MAP3K9: variants seen among roughly 807,000 people sequenced by gnomAD.
The protein encoded by MAP3K9 is mitogen-activated protein kinase kinase kinase 9.
A neutral mutation model predicts 95.8 loss-of-function variants in MAP3K9; 46 were observed. The ratio of observed to expected loss-of-function variants is 0.48; its 90% confidence interval spans 0.38 to 0.61. The LOEUF (loss-of-function observed/expected upper bound fraction) is 0.61, where lower values mean the gene tolerates loss of function less well. Ranked by LOEUF, MAP3K9 falls within the 20% of genes least tolerant of loss-of-function variation. The probability of loss-of-function intolerance (pLI) is 0.00; values close to 1 mark genes in which losing one functional copy is unlikely to be tolerated. For synonymous variants in MAP3K9, 533 were observed against 593.8 expected (o/e 0.90, Z 1.49); for missense variants, 1,296 against 1,474.3 (o/e 0.88, Z 1.98).
At chr14:70,787,721 T>C (rs2054762401) in intron 2 of MAP3K9, among the ~76,000 whole-genome samples, 2 of 151,774 alleles carry the variant, frequency 1.3e-5, no homozygotes, top group South Asian at 4.1e-4. Flanking sequence ...GTTTATGAAA[T>C]AGATATATAA....
intron 3 of MAP3K9, among the ~76,000 whole-genome samples, chr14:70,758,118 A>G (rs1013966033): frequency 1.3e-5 from 2 of 152,144 alleles, no homozygotes; most frequent in Non-Finnish European, 2.9e-5. Flanking sequence ...CAATCTACAG[A>G]ATGGAAAAAA....
At chr14:70,796,355 G>A (rs907056107) in intron 2 of MAP3K9, among the ~76,000 whole-genome samples, 5 of 152,206 alleles carry the variant, frequency 3.3e-5, no homozygotes, top group Non-Finnish European at 5.9e-5. Context: ...CAGTAGTTAA[G>A]CCAGGGGTCT....
rs759355258 is a variant in MAP3K9 at position 70,809,112 on chromosome 14, C to T, written c.60G>A (p.Pro20=). Residue 20 remains proline, a synonymous_variant, in exon 1 of 12, where the codon CCG becomes CCA. Coordinates refer to ENST00000554752, the MANE Select transcript of MAP3K9 (RefSeq NM_001284230.2). The part of the protein sequence containing the change: ...CLASAAAAAP[P]GEDGAGAGAE... ...CCCCGGCCCCTGCTCCATCCTCCCCCGGCGGGGCGGCAGCGGCGGCGCTCG... is the reference window on the plus strand; with the variant it reads ...CCCCGGCCCCTGCTCCATCCTCCCCTGGCGGGGCGGCAGCGGCGGCGCTCG... 1.4e-6 allele frequency: 2 copies of T among 1,382,008 alleles called. No individual in the cohort carries two copies. The highest frequency in any genetic ancestry group is 3.6e-5 in the Admixed American group (1 of 27,478). The allele number at this position is 1,382,008 out of a possible 1,614,324, so 85.6% of individuals were successfully genotyped here.
chr14:70,800,670 T>A lies in MAP3K9; in HGVS notation c.817A>T (p.Asn273Tyr). 6.2e-7 allele frequency: 1 copy of A among 1,612,792 alleles called. No individual in the cohort carries two copies. The highest frequency in any genetic ancestry group is 8.5e-7 in the Non-Finnish European group (1 of 1,179,352). The change falls in exon 2 of 12, where the codon AAC becomes TAC. Residue 273 changes from asparagine to tyrosine, a missense_variant. Transcript: ENST00000554752. ...PIIHRDLKSSNILILQKVENG... is the reference protein window; with the variant it reads ...PIIHRDLKSSYILILQKVENG... ...AGCCCCATCTCTTCATACTCACTGTTGCTGGACTTAAGGTCGCGGTGGATG... is the reference window on the plus strand; with the variant it reads ...AGCCCCATCTCTTCATACTCACTGTAGCTGGACTTAAGGTCGCGGTGGATG...
chr14:70,739,938 G>T, intron 7 of MAP3K9, 104 bp downstream of exon 7: 1 of 1,614,164 alleles, frequency 6.2e-7, no homozygotes, highest in Non-Finnish European at 8.5e-7. Flanking sequence ...AGAGGTGGCA[G>T]AAGTTATGGA....
chr14:70,804,407 A>G (rs1263158962), intron 1 of MAP3K9, among the ~76,000 whole-genome samples: 1 of 152,248 alleles, frequency 6.6e-6, no homozygotes, highest in South Asian at 2.1e-4. Flanking sequence ...AAGAAAGATT[A>G]GAAACTCTCT....
Position 70,808,851 on chromosome 14 carries a change from G to A in MAP3K9, c.321C>T (p.Pro107=), listed in dbSNP as rs1403587816. ...CGCTGCGCGGGGTCACGTAGTTGCT[G>A]GGGAAGATGCCCACCCGCTGGTTCA... ...GQLNQRVGIF[P]SNYVTPRSAF... is the part of the protein sequence containing the mutation. Residue 107 remains proline, a synonymous_variant, in exon 1 of 12, where the codon CCC becomes CCT. Coordinates refer to ENST00000554752, the MANE Select transcript of MAP3K9 (RefSeq NM_001284230.2). 6.2e-7 allele frequency: 1 copy of A among 1,600,288 alleles called. No individual in the cohort carries two copies. Among genetic ancestry groups the A allele is most frequent in the Non-Finnish European group, 8.5e-7 (1 of 1,175,934 alleles).
chr14:70,728,671 A>G lies in MAP3K9; in HGVS notation c.*1709T>C, dbSNP rs1270679357. 3 of 152,252 alleles carry G rather than the reference A, an allele frequency of 2.0e-5. No individual in the cohort carries two copies. Among genetic ancestry groups the G allele is most frequent in the Admixed American group, 6.5e-5 (1 of 15,286 alleles). The allele number at this position is 152,252 out of a possible 1,614,324, so 9.4% of individuals were successfully genotyped here. The stretch of plus-strand genomic sequence containing the variant: ...CAAGACTTGGTGGGCCCCTTGAACC[A>G]AAGTGCTAATGGGCTCATAAAGCAA... On this transcript the variant is annotated 3_prime_UTR_variant, in exon 12 of 12. Transcript: ENST00000554752.
chr14:70,798,624 A>G (rs895165190), intron 2 of MAP3K9, among the ~76,000 whole-genome samples: 16 of 146,398 alleles, frequency 1.1e-4, no homozygotes, highest in South Asian at 2.2e-4. Context: ...GACTACAGGC[A>G]CCCGCCACTA....
intron 7 of MAP3K9, 87 bp from the exon 8 acceptor site, chr14:70,738,485 C>T: frequency 1.7e-6 from 2 of 1,197,574 alleles, no homozygotes; most frequent in Non-Finnish European, 2.4e-6. Flanking sequence ...CACACACACA[C>T]ACATTTGGAG....
chr14:70,799,432 C>T (rs565808386), intron 2 of MAP3K9, among the ~76,000 whole-genome samples: 3 of 152,310 alleles, frequency 2.0e-5, no homozygotes, highest in South Asian at 2.1e-4. Flanking sequence ...CTCCACCTCC[C>T]GGGTTCACAC....
In MAP3K9 at chr14:70,726,396, G is replaced by T. The variant is rs774460471; in HGVS notation, c.*3984C>A. 2.0e-5 allele frequency: 3 copies of T among 152,242 alleles called. No individual in the cohort carries two copies. Among genetic ancestry groups the T allele is most frequent in the Non-Finnish European group, 2.9e-5 (2 of 68,048 alleles). 9.4% of individuals were successfully genotyped at this position (152,242 alleles called of 1,614,324 possible). On this transcript the variant is annotated 3_prime_UTR_variant, in exon 12 of 12. Transcript: ENST00000554752. Reference sequence around the variant, plus strand: ...CAAAGATTCTTCCAGGAACTGGGATGATCCCAGGCTCTAAACAAATCAGAC... The same window carrying T: ...CAAAGATTCTTCCAGGAACTGGGATTATCCCAGGCTCTAAACAAATCAGAC...
At position 70,809,059 on chromosome 14, in the gene MAP3K9, T is replaced by G. The variant is rs201322413; in HGVS notation, c.113A>C (p.Glu38Ala). Residue 38 changes from glutamate (E) to alanine (A), a missense_variant, in exon 1 of 12, where the codon GAG becomes GCG. Transcript: ENST00000554752. ...GAEEEEEEEE[E>A]AAAAVGPGEL... ...CCCGGGGCCCACCGCCGCCGCCGCC[T>G]CCTCCTCCTCCTCCTCCTCCTCCTC... The G allele has an allele frequency of 4.3e-4, 268 of 624,754 alleles. No homozygotes were observed. The highest frequency in any genetic ancestry group is 2.5e-3 in the East Asian group (23 of 9,228). 38.7% of individuals were successfully genotyped at this position (624,754 alleles called of 1,614,324 possible).
At chr14:70,761,356 T>A (rs534295714) in intron 2 of MAP3K9, among the ~76,000 whole-genome samples, 174 bp from the exon 3 acceptor site, 4 of 152,354 alleles carry the variant, frequency 2.6e-5, no homozygotes, top group Non-Finnish European at 5.9e-5. Context: ...CATCCATTTT[T>A]GTACCACCCA....
At chr14:70,756,296 T>C (rs1303021507) in intron 3 of MAP3K9, among the ~76,000 whole-genome samples, 1 of 152,114 alleles carries the variant, frequency 6.6e-6, no homozygotes, top group East Asian at 1.9e-4. Context: ...CTCTGGAGTG[T>C]GTGACAGTAA....
In MAP3K9 at chr14:70,734,447, G is replaced by T; in HGVS notation, c.1965C>A (p.Asn655Lys). The T allele has an allele frequency of 6.2e-7, 1 of 1,614,102 alleles. No individual in the cohort carries two copies. Residue 655 changes from asparagine (N) to lysine (K), a missense_variant, in exon 10 of 12, where the codon AAC becomes AAA. By Grantham distance (94) the Asn-to-Lys change is moderately conservative (BLOSUM62 0). Around this residue, in one of 5 missense-constraint regions of MAP3K9, gnomAD observed 377 missense variants for 417.1 expected, o/e 0.90. Coordinates refer to ENST00000554752, the MANE Select transcript of MAP3K9 (RefSeq NM_001284230.2). ...GYKQWSSSAP[N>K]LVKGPRSSPA... ...GGCTACTCCTTGGGCCCTTCACCAG[G>T]TTGGGGGCACTGGACGACCACTGCT...
At chr14:70,776,267 G>A (rs1405915902) in intron 2 of MAP3K9, among the ~76,000 whole-genome samples, 2 of 152,216 alleles carry the variant, frequency 1.3e-5, no homozygotes, top group Non-Finnish European at 2.9e-5. Context: ...TTGGCAAGGT[G>A]TGGTGGCAAA....
rs561387291 is a variant in MAP3K9 at position 70,797,449 on chromosome 14, A to T, written c.820+3218T>A. On this transcript the variant is annotated intron_variant, in intron 2 of 11. Transcript: ENST00000554752. ...AATAATAATAATAATAAAATTTTTT[A>T]AAAAAAGGCTTGGTGCACTGGCTCA... 2.9e-4 allele frequency among the ~76,000 whole-genome samples: 44 copies of T among 151,708 alleles called. 1 individual carries two copies. Among genetic ancestry groups the T allele is most frequent in the African/African-American group, 7.5e-4 (31 of 41,454 alleles).
rs916939860 is a variant in MAP3K9, at chr14:70,793,740, C to T, written c.820+6927G>A. On this transcript the variant is annotated intron_variant, in intron 2 of 11. Coordinates refer to ENST00000554752, the MANE Select transcript of MAP3K9 (RefSeq NM_001284230.2). ...TATGCACCTGGAACTATGCTGGGAG[C>T]TAAAGACACAAAACCTATTTGGAGA... Among the ~76,000 whole-genome samples the T allele has an allele frequency of 2.6e-5, 4 of 152,162 alleles. No individual in the cohort carries two copies. The East Asian group carries it at 5.8e-4, about 22-fold the overall frequency.
Sources: allele counts gnomAD v4.1 joint callset (sites outside exome capture counted in the v4.1 genomes callset), GRCh38; gene constraint gnomAD v4.1.1; regional missense constraint gnomAD v4.1.1; transcripts MANE v1.5; gene names NCBI Gene and HGNC (gene_info 2026-07-23, HGNC 2026-07-21).